Variants in IL1R1 observed in about 807,000 individuals in gnomAD.
IL1R1 encodes interleukin-1 receptor type 1.
In IL1R1, 22 loss-of-function variants were observed where a neutral mutation model predicts 50.2. The observed-to-expected ratio is 0.44, with a 90% confidence interval of 0.31 to 0.63. The LOEUF (loss-of-function observed/expected upper bound fraction) is 0.63. Among genes scored for constraint, IL1R1 ranks in the 20% least tolerant of loss-of-function variants. The pLI is 0.07. For synonymous variants in IL1R1, 251 were observed against 236.7 expected, an observed-to-expected ratio of 1.06 and a Z score of -0.55; for missense variants, 509 against 676.2, an observed-to-expected ratio of 0.75 and a Z score of 2.74.
chr2:102,072,573 A>T lies in IL1R1; in HGVS notation c.-84+2040A>T, dbSNP rs1367377082. ...AATCTTGAACATGTTTTTCACGTCT[A>T]TTGGCTTTTTGCTTTTTGCTTATTG... On this transcript the variant is annotated intron_variant, in intron 1 of 11. Transcript: ENST00000409929. Among the ~76,000 whole-genome samples the T allele has an allele frequency of 4.6e-5, 7 of 152,008 alleles. No homozygotes were observed. In the South Asian group the frequency reaches 1.5e-3, roughly 32 times the overall value.
At chr2:102,106,513 C>T (rs190063270) in intron 1 of IL1R1, among the ~76,000 whole-genome samples, 8 of 152,206 alleles carry the variant, frequency 5.3e-5, no homozygotes, top group East Asian at 1.9e-4. Flanking sequence ...TTGGCAGGAA[C>T]GGTCAAAGAA....
chr2:102,157,879 C>G (rs1577992048), intron 3 of IL1R1, 94 bp downstream of exon 3: 1 of 819,558 alleles, frequency 1.2e-6, no homozygotes, highest in East Asian at 2.5e-5. Context: ...ATTTCTCATA[C>G]TCGTCTCTGT....
chr2:102,082,236 TATAAATTAAAGG>T (rs1215998609), intron 1 of IL1R1, among the ~76,000 whole-genome samples: 14 of 152,274 alleles, frequency 9.2e-5, no homozygotes, highest in South Asian at 6.2e-4. Context: ...AAAGGATAAA[TATAAATTAAAGG>T]ATAAATTAAA....
chr2:102,149,020 A>T (rs1683409172), intron 1 of IL1R1, among the ~76,000 whole-genome samples: 1 of 152,182 alleles, frequency 6.6e-6, no homozygotes, highest in South Asian at 2.1e-4. Context: ...GCTTGGTTTC[A>T]GTACTGTAAC....
upstream of IL1R1, among the ~76,000 whole-genome samples, chr2:102,101,771 C>A (rs1402982516): frequency 6.6e-6 from 1 of 152,214 alleles, no homozygotes; most frequent in African/African-American, 2.4e-5. Context: ...AGAATGACGT[C>A]TTCTGATAGT....
At chr2:102,087,439 A>AC (rs1406015310) in intron 1 of IL1R1, among the ~76,000 whole-genome samples, 2 of 152,222 alleles carry the variant, frequency 1.3e-5, no homozygotes, top group African/African-American at 4.8e-5. Flanking sequence ...ATCCTCTCAA[A>AC]CCCTGACACT....
chr2:102,076,566 G>C (rs1472830307), intron 1 of IL1R1, among the ~76,000 whole-genome samples: 2 of 152,144 alleles, frequency 1.3e-5, no homozygotes, highest in Non-Finnish European at 2.9e-5. Flanking sequence ...ATTTCTGAAA[G>C]ACATTTTTGC....
At chr2:102,113,920 G>C (rs1356889352) in intron 1 of IL1R1, among the ~76,000 whole-genome samples, 1 of 152,198 alleles carries the variant, frequency 6.6e-6, no homozygotes, top group Non-Finnish European at 1.5e-5. Context: ...ATCGATAACA[G>C]AGTCAGAATT....
intron 1 of IL1R1, among the ~76,000 whole-genome samples, chr2:102,149,325 A>T (rs924495985): frequency 6.6e-6 from 1 of 152,162 alleles, no homozygotes; most frequent in African/African-American, 2.4e-5. Flanking sequence ...TCAGGTGGAA[A>T]TGTAGAAAGT....
chr2:102,140,695 G>A (rs1420803870), upstream of IL1R1, among the ~76,000 whole-genome samples: 2 of 152,198 alleles, frequency 1.3e-5, no homozygotes, highest in Non-Finnish European at 2.9e-5. Flanking sequence ...CCTACCCAGG[G>A]GATGGAGTGA....
intron 1 of IL1R1, among the ~76,000 whole-genome samples, chr2:102,110,219 G>A (rs1464312470): frequency 6.6e-6 from 1 of 152,100 alleles, no homozygotes; most frequent in East Asian, 1.9e-4. Context: ...ATCCATAGCT[G>A]TATCAAAGGC....
upstream of IL1R1, among the ~76,000 whole-genome samples, chr2:102,139,998 G>A (rs1577936141): frequency 6.6e-6 from 1 of 152,160 alleles, no homozygotes; most frequent in African/African-American, 2.4e-5. Context: ...TCAGGGTCTA[G>A]TAAAGAGCAG....
At chr2:102,140,407 C>T (rs1039275538), upstream of IL1R1, among the ~76,000 whole-genome samples, 3 of 152,204 alleles carry the variant, frequency 2.0e-5, no homozygotes, top group African/African-American at 7.2e-5. Flanking sequence ...TGAAAACCCT[C>T]AGGGGACAGG....
At chr2:102,125,443 C>T (rs940878542) in intron 1 of IL1R1, among the ~76,000 whole-genome samples, 21 of 152,142 alleles carry the variant, frequency 1.4e-4, no homozygotes, top group African/African-American at 5.1e-4. Flanking sequence ...GGACTGGGAG[C>T]TTCCTGGGGA....
chr2:102,158,443 G>T (rs1218012247), intron 3 of IL1R1, among the ~76,000 whole-genome samples: 1 of 152,096 alleles, frequency 6.6e-6, no homozygotes, highest in African/African-American at 2.4e-5. Context: ...TTTGAATGTG[G>T]CCAGAAAAAA....
chr2:102,097,795 CA>C (rs1450459370), intron 1 of IL1R1, among the ~76,000 whole-genome samples: 3 of 151,844 alleles, frequency 2.0e-5, no homozygotes, highest in Non-Finnish European at 4.4e-5. Flanking sequence ...ATAGTTTCTA[CA>C]AAGAAAATGT....
At chr2:102,119,851 A>G (rs952126695) in intron 1 of IL1R1, among the ~76,000 whole-genome samples, 1 of 152,212 alleles carries the variant, frequency 6.6e-6, no homozygotes, top group African/African-American at 2.4e-5. Context: ...CAAGTGTACG[A>G]TACAGTATTA....
intron 1 of IL1R1, among the ~76,000 whole-genome samples, chr2:102,095,996 T>TA (rs1559459212): frequency 9.2e-5 from 14 of 152,282 alleles, no homozygotes; most frequent in African/African-American, 3.1e-4. Context: ...AGCCAGACTC[T>TA]GTCTCAAAAA....
chr2:102,164,154 C>T (rs1480120184), intron 3 of IL1R1, among the ~76,000 whole-genome samples: 1 of 152,082 alleles, frequency 6.6e-6, no homozygotes, highest in Non-Finnish European at 1.5e-5. Context: ...CAGCTGAAAA[C>T]TTGGGGGAGA....
Sources: gnomAD v4.1 joint callset for allele counts (sites outside exome capture counted in the v4.1 genomes callset) on GRCh38, gnomAD v4.1.1 for gene constraint, MANE v1.5 for transcripts, NCBI Gene and HGNC (gene_info 2026-07-23, HGNC 2026-07-21) for gene names.